The following SH2B2 variants were observed in gnomAD, a reference collection of about 807,000 sequenced individuals.
The protein encoded by SH2B2 is SH2B adapter protein 2.
SH2B2 carries 37 observed loss-of-function variants against 35.7 expected under a neutral mutation model. The observed-to-expected ratio is 1.04, with a 90% CI of 0.80 to 1.36. The LOEUF (loss-of-function observed/expected upper bound fraction) is 1.36. Ranked by LOEUF, SH2B2 falls within the 40% of genes most tolerant of loss-of-function variation. The probability of loss-of-function intolerance (pLI) is 0.00; values close to 1 mark genes in which losing one functional copy is unlikely to be tolerated. For missense variants in SH2B2, 852 were observed against 817.7 expected (o/e 1.04, Z -0.51); for synonymous variants, 383 against 376.4 (o/e 1.02, Z -0.20).
chr7:102,306,872 C>G (rs1712766694), intron 3 of SH2B2, 50 bp downstream of exon 3: 2 of 1,426,566 alleles, frequency 1.4e-6, no homozygotes, highest in Non-Finnish European at 1.9e-6. Context: ...CCCAGGCCAC[C>G]TTCCCTTTAG....
In SH2B2 at chr7:102,307,183, C is replaced by T. The variant is rs78485590; in HGVS notation, c.831+361C>T. 6.8e-3 allele frequency among the ~76,000 whole-genome samples: 1,035 copies of T among 152,364 alleles called. 5 individuals carry two copies. The highest frequency in any genetic ancestry group is 0.036 in the South Asian group (175 of 4,826). ...AGCCGGCAGCAGTTATGCAAATGTT[C>T]CTGTCCCAGGGCACTGGAGTGTGGG... On this transcript the variant is annotated intron_variant, in intron 3 of 8. Transcript: ENST00000444095.
In SH2B2 at chr7:102,300,640, T is replaced by C; in HGVS notation, c.90T>C (p.His30=). Residue 30 remains histidine, a synonymous_variant, in exon 2 of 9, where the codon CAT becomes CAC. Transcript: ENST00000444095. ...ACTGGCGGCAGTTCTGCGAGCTGCA[T>C]GCGCAGGCGGCCGCCGTGGACTTTG... ...VPDWRQFCEL[H]AQAAAVDFAH... 1 of 1,550,114 alleles carries C rather than the reference T, an allele frequency of 6.5e-7. No homozygotes were observed. Among genetic ancestry groups the C allele is most frequent in the Non-Finnish European group, 8.7e-7 (1 of 1,145,702 alleles).
intron 8 of SH2B2, among the ~76,000 whole-genome samples, chr7:102,321,059 C>T (rs1422098334): frequency 3.3e-5 from 5 of 152,112 alleles, no homozygotes; most frequent in Admixed American, 6.5e-5. Context: ...ATTATGTATG[C>T]GTGTGTGTGC....
In SH2B2 at chr7:102,301,084, C is replaced by G; in HGVS notation, c.534C>G (p.Arg178=). 2 of 1,415,076 alleles carry G rather than the reference C, an allele frequency of 1.4e-6. No individual in the cohort carries two copies. The highest frequency in any genetic ancestry group is 1.5e-5 in the African/African-American group (1 of 66,262). 87.7% of individuals were successfully genotyped at this position (1,415,076 alleles called of 1,614,324 possible). A position where few individuals can be genotyped will look rare whatever the true frequency, so the allele number is the denominator to read the frequency against. ...TAEPRDKWTR[R]LRLSRTLAAK... ...AGCCCCGCGACAAGTGGACGCGGCG[C>G]CTGAGGCTGTCGCGGACGCTGGCTG... The change falls in exon 2 of 9, where the codon CGC becomes CGG. Residue 178 remains arginine (R), a synonymous_variant. Coordinates refer to ENST00000444095, the MANE Select transcript of SH2B2 (RefSeq NM_001359228.2).
rs182070898 is a variant in SH2B2 at position 102,287,900 on chromosome 7, C to T, written c.-30+806C>T. ...CCACGCAAGGCAGACCGGGCAGCCC[C>T]AGGCGAGACTCTGAACACGAATAAG... On this transcript the variant is annotated intron_variant, in intron 1 of 8. Coordinates refer to ENST00000444095, the MANE Select transcript of SH2B2 (RefSeq NM_001359228.2). Among the ~76,000 whole-genome samples the T allele has an allele frequency of 3.2e-3, 494 of 152,320 alleles. 2 individuals are homozygous for T. Among genetic ancestry groups the T allele is most frequent in the Middle Eastern group, 0.017 (5 of 292 alleles).
intron 4 of SH2B2, chr7:102,309,407 C>G: frequency 3.2e-6 from 1 of 315,204 alleles, no homozygotes; most frequent in South Asian, 2.4e-5. Context: ...GTTGCCCAGG[C>G]TGGAGTGCAG....
chr7:102,290,600 C>T (rs944760125), intron 1 of SH2B2, among the ~76,000 whole-genome samples: 1 of 152,190 alleles, frequency 6.6e-6, no homozygotes, highest in African/African-American at 2.4e-5. Flanking sequence ...TGGACCCTCC[C>T]ACCTGGCGTC....
chr7:102,306,697 C>T lies in SH2B2; in HGVS notation c.730-24C>T, dbSNP rs782471081. On this transcript the variant is annotated intron_variant, in intron 2 of 8. Transcript: ENST00000444095. Reference sequence around the variant, plus strand: ...GGTGTCGGGAAATGCTGGGGCCACTCACTATCCTTCTTCTGGCCCCCAGGC... The same window carrying T: ...GGTGTCGGGAAATGCTGGGGCCACTTACTATCCTTCTTCTGGCCCCCAGGC... The T allele has an allele frequency of 3.3e-6, 5 of 1,529,350 alleles. No individual in the cohort carries two copies. In the Middle Eastern group the frequency reaches 6.7e-4, roughly 206 times the overall value. 94.7% of individuals were successfully genotyped at this position (1,529,350 alleles called of 1,614,324 possible).
At position 102,321,358 on chromosome 7, in the gene SH2B2, G is replaced by A. The variant is rs1159119292; in HGVS notation, c.1627G>A (p.Gly543Ser). ...ASPACWSDSP[G>S]QHYFSSLAAA... is the part of the protein sequence containing the mutation. Reference sequence around the variant, plus strand: ...CCCGGCCTGCTGGAGCGACTCGCCCGGCCAGCACTACTTCTCCAGCCTCGC... The same window carrying A: ...CCCGGCCTGCTGGAGCGACTCGCCCAGCCAGCACTACTTCTCCAGCCTCGC... The change falls in exon 9 of 9, where the codon GGC (glycine) becomes AGC (serine). Residue 543 changes from glycine to serine, a missense_variant. Gly to Ser is a moderately conservative substitution (Grantham distance 56). Coordinates refer to ENST00000444095, the MANE Select transcript of SH2B2 (RefSeq NM_001359228.2). 3.5e-6 allele frequency: 5 copies of A among 1,437,656 alleles called. No homozygotes were observed. The African/African-American group carries it at 4.5e-5, about 13-fold the overall frequency. 89.1% of individuals were successfully genotyped at this position (1,437,656 alleles called of 1,614,324 possible).
chr7:102,302,160 C>G (rs782682631), intron 2 of SH2B2, among the ~76,000 whole-genome samples: 7 of 152,230 alleles, frequency 4.6e-5, no homozygotes, highest in African/African-American at 7.2e-5. Context: ...TGTGCCCAGC[C>G]CAGGGCACCG....
intron 1 of SH2B2, among the ~76,000 whole-genome samples, chr7:102,291,381 G>A (rs782797546): frequency 8.5e-5 from 13 of 152,182 alleles, no homozygotes; most frequent in African/African-American, 2.2e-4. Context: ...TGCTCAGGCC[G>A]AGCCTTGGAC....
intron 2 of SH2B2, among the ~76,000 whole-genome samples, chr7:102,303,322 G>C (rs1303868285): frequency 1.3e-5 from 2 of 152,276 alleles, no homozygotes; most frequent in Admixed American, 1.3e-4. Context: ...GGTTTAGGCA[G>C]GGGGAGGTTT....
intron 1 of SH2B2, among the ~76,000 whole-genome samples, chr7:102,295,865 C>A (rs185394169): frequency 9.9e-5 from 15 of 152,262 alleles, no homozygotes; most frequent in Admixed American, 3.3e-4. Flanking sequence ...CCATCCTTCC[C>A]CCACCTTCGT....
Position 102,299,197 on chromosome 7 carries a change from CTTTT to C in SH2B2, c.-29-1309_-29-1306del, listed in dbSNP as rs71123035. ...TACAGGCATGAGCCACCGCGCCTGG[CTTTT>C]TTTTTTTTTTTTTTTGAGGTGGAGT... On this transcript the variant is annotated intron_variant, in intron 1 of 8. Transcript: ENST00000444095. 3.7e-4 allele frequency among the ~76,000 whole-genome samples: 9 copies of C among 24,634 alleles called. 1 individual carries two copies. In the South Asian group the frequency reaches 7.3e-3, roughly 20 times the overall value. 16.2% of individuals were successfully genotyped at this position (24,634 alleles called of 152,430 possible). A position where few individuals can be genotyped will look rare whatever the true frequency, so the allele number is the denominator to read the frequency against.
At chr7:102,317,563 C>T (rs368972851) in intron 7 of SH2B2, among the ~76,000 whole-genome samples, 168 bp downstream of exon 7, 1 of 152,134 alleles carries the variant, frequency 6.6e-6, no homozygotes, top group African/African-American at 2.4e-5. Context: ...GAGCCACCTG[C>T]GTCCCTCCTA....
At chr7:102,298,817 C>T (rs1554552959) in intron 1 of SH2B2, among the ~76,000 whole-genome samples, 1 of 152,100 alleles carries the variant, frequency 6.6e-6, no homozygotes, top group Non-Finnish European at 1.5e-5. Context: ...ATCTGCTCAC[C>T]TTGGCCTCCC....
At chr7:102,286,214 G>C (rs1313787464), upstream of SH2B2, among the ~76,000 whole-genome samples, 2 of 152,240 alleles carry the variant, frequency 1.3e-5, no homozygotes. Flanking sequence ...GGGGCACTGC[G>C]CTCAGGGGGG....
chr7:102,291,221 C>G (rs527864993), intron 1 of SH2B2, among the ~76,000 whole-genome samples: 1 of 152,220 alleles, frequency 6.6e-6, no homozygotes, highest in East Asian at 1.9e-4. Flanking sequence ...GCCAGCAGGG[C>G]TTGTCAAGCT....
Position 102,301,254 on chromosome 7 carries a change from G to T in SH2B2, c.704G>T (p.Arg235Leu), listed in dbSNP as rs373149857. Residue 235 changes from arginine (R) to leucine (L), a missense_variant, in exon 2 of 9, where the codon CGC becomes CTC. This residue lies in a region of SH2B2 where 556 missense variants were observed against 514.5 expected (regional missense o/e 1.08). Coordinates refer to ENST00000444095, the MANE Select transcript of SH2B2 (RefSeq NM_001359228.2). ...AGGGCTGTGGCCGAGGAACGCTTCC[G>T]CCTGGAGTTCTTCGTGCCGCCCAAA... is the stretch of plus-strand genomic sequence containing the variant. ...LRRAVAEERF[R>L]LEFFVPPKAS... 1.1e-4 allele frequency: 170 copies of T among 1,604,402 alleles called. No individual in the cohort carries two copies. The highest frequency in any genetic ancestry group is 1.7e-4 in the Middle Eastern group (1 of 6,060).
Sources: gnomAD v4.1 joint callset for allele counts (sites outside exome capture counted in the v4.1 genomes callset) on GRCh38, gnomAD v4.1.1 for gene constraint, gnomAD v4.1.1 regional missense constraint, MANE v1.5 for transcripts, NCBI Gene and HGNC (gene_info 2026-07-23, HGNC 2026-07-21) for gene names.